Variants in CRYAB observed in about 807,000 individuals in gnomAD.
CRYAB encodes the protein alpha-crystallin B chain.
CRYAB carries 9 observed loss-of-function variants against 12.7 expected under a neutral mutation model. The observed-to-expected ratio is 0.71, with a 90% CI of 0.43 to 1.24. The LOEUF (loss-of-function observed/expected upper bound fraction) is 1.24. Ranked by LOEUF, CRYAB falls within the 50% of genes most tolerant of loss-of-function variation. The pLI, the probability that CRYAB is intolerant of heterozygous loss-of-function variation, is 0.00. For synonymous variants in CRYAB, 93 were observed against 86.8 expected, an observed-to-expected ratio of 1.07 and a Z score of -0.40; for missense variants, 183 against 226.6, an observed-to-expected ratio of 0.81 and a Z score of 1.24.
At chr11:111,921,871 C>T (rs963685784) in intron 1 of CRYAB, among the ~76,000 whole-genome samples, 5 of 150,902 alleles carry the variant, frequency 3.3e-5, no homozygotes. Context: ...TTTGCTTTAT[C>T]TCCCAGTATG....
In CRYAB at chr11:111,908,972, C is replaced by A; in HGVS notation, c.325-5G>T. ...GGAGATGAAACCATGTTCATCCTAACCCAAAAGAATGAGGAAAGAGGCAGA... is the reference window on the plus strand; with the variant it reads ...GGAGATGAAACCATGTTCATCCTAAACCAAAAGAATGAGGAAAGAGGCAGA... On this transcript the variant is annotated splice_polypyrimidine_tract_variant and splice_region_variant and intron_variant, in intron 2 of 2. Transcript: ENST00000650687. 2 of 1,614,008 alleles carry A rather than the reference C, an allele frequency of 1.2e-6. No homozygotes were observed. The highest frequency in any genetic ancestry group is 1.7e-6 in the Non-Finnish European group (2 of 1,179,976).
At chr11:111,913,218 CT>C, upstream of CRYAB, 1 of 605,776 alleles carries the variant, frequency 1.7e-6, no homozygotes, top group Non-Finnish European at 2.9e-6. Flanking sequence ...CCTCCTCCCC[CT>C]CCTCCTCCTT....
upstream of CRYAB, chr11:111,912,725 C>T (rs1049716490): frequency 2.4e-6 from 2 of 832,730 alleles, no homozygotes; most frequent in Non-Finnish European, 3.9e-6. Context: ...GTGTCGACCC[C>T]GCCCCCACCT....
upstream of CRYAB, chr11:111,913,524 A>G: frequency 6.2e-7 from 1 of 1,614,088 alleles, no homozygotes; most frequent in Non-Finnish European, 8.5e-7. Flanking sequence ...TGGGGAGGGC[A>G]GCAGGGCAGG....
intron 1 of CRYAB, among the ~76,000 whole-genome samples, chr11:111,922,471 G>A (rs1555166621): frequency 1.3e-5 from 2 of 152,096 alleles, no homozygotes; most frequent in Non-Finnish European, 2.9e-5. Flanking sequence ...TCTGCAACGA[G>A]CAGAAAATAA....
upstream of CRYAB, among the ~76,000 whole-genome samples, chr11:111,914,416 C>T (rs1382984128): frequency 6.6e-6 from 1 of 152,152 alleles, no homozygotes; most frequent in African/African-American, 2.4e-5. Context: ...CTGTCTGGCC[C>T]TTTTTGGGTA....
chr11:111,909,922 G>A (rs1965399379), intron 2 of CRYAB: 1 of 543,302 alleles, frequency 1.8e-6, no homozygotes, highest in Non-Finnish European at 3.3e-6. Flanking sequence ...CTGATGCCTG[G>A]GTCCCACCCT....
At chr11:111,912,908 C>G, upstream of CRYAB, 4 of 1,606,644 alleles carry the variant, frequency 2.5e-6, no homozygotes, top group Non-Finnish European at 3.4e-6. Context: ...CCTGGGTGAG[C>G]AGCGCTTCGG....
chr11:111,911,436 T>G, intron 1 of CRYAB, 88 bp downstream of exon 1: 1 of 1,395,920 alleles, frequency 7.2e-7, no homozygotes, highest in Non-Finnish European at 9.9e-7. Context: ...CTAAAATGGT[T>G]TAGGCAGGGT....
intron 1 of CRYAB, chr11:111,919,118 C>G: frequency 8.5e-7 from 1 of 1,173,976 alleles, no homozygotes; most frequent in South Asian, 1.4e-5. Flanking sequence ...TGCCACCTTC[C>G]TCTGCCTGGT....
At position 111,910,019 on chromosome 11, in the gene CRYAB, T is replaced by C; in HGVS notation, c.324+308A>G. 4.9e-6 allele frequency: 3 copies of C among 614,324 alleles called. No individual in the cohort carries two copies. The South Asian group carries it at 5.8e-5, about 12-fold the overall frequency. The allele number at this position is 614,324 out of a possible 1,614,324, so 38.1% of individuals were successfully genotyped here. On this transcript the variant is annotated intron_variant, in intron 2 of 2. Transcript: ENST00000650687. ...GTCTGGAGTATGCCCGAGCATTAGG[T>C]TTTTTGAAAGTTCCCCTGGTGATTC... is the stretch of plus-strand genomic sequence containing the variant.
upstream of CRYAB, chr11:111,913,991 A>AAGG: frequency 9.3e-7 from 1 of 1,078,502 alleles, no homozygotes; most frequent in Non-Finnish European, 1.3e-6. Flanking sequence ...TCCTTGGGGG[A>AAGG]AGGGAAAGGT....
upstream of CRYAB, among the ~76,000 whole-genome samples, chr11:111,914,484 C>T (rs1965566857): frequency 6.6e-6 from 1 of 152,156 alleles, no homozygotes; most frequent in South Asian, 2.1e-4. Flanking sequence ...GGAGTGAATA[C>T]TTTGTTTTCA....
intron 1 of CRYAB, among the ~76,000 whole-genome samples, chr11:111,921,967 G>C (rs1555166601): frequency 6.6e-6 from 1 of 152,102 alleles, no homozygotes; most frequent in East Asian, 1.9e-4. Context: ...CTAGTAGCTG[G>C]CATTACAGGT....
chr11:111,916,639 C>T (rs1166872432), upstream of CRYAB, among the ~76,000 whole-genome samples: 9 of 152,270 alleles, frequency 5.9e-5, no homozygotes, highest in South Asian at 1.2e-3. Context: ...ACATCTAGAC[C>T]TAAAATTATT....
chr11:111,909,952 G>A, intron 2 of CRYAB: 1 of 577,452 alleles, frequency 1.7e-6, no homozygotes. Flanking sequence ...TGATTTAATT[G>A]GTCTGGAGTA....
At chr11:111,923,086 G>C (rs1205769752) in intron 1 of CRYAB, among the ~76,000 whole-genome samples, 2 of 152,144 alleles carry the variant, frequency 1.3e-5, no homozygotes, top group African/African-American at 2.4e-5. Context: ...AATATTTTCT[G>C]TATCCATTTA....
At chr11:111,911,439 G>C in intron 1 of CRYAB, 85 bp downstream of exon 1, 1 of 1,418,602 alleles carries the variant, frequency 7.0e-7, no homozygotes, top group South Asian at 1.2e-5. Flanking sequence ...AAATGGTTTA[G>C]GCAGGGTAGG....
At chr11:111,913,947 T>C (rs587717722), upstream of CRYAB, 19 of 1,476,712 alleles carry the variant, frequency 1.3e-5, no homozygotes, top group East Asian at 4.6e-5. Context: ...CAAGGTGATA[T>C]GGGCAGCTGC....
Sources: allele counts gnomAD v4.1 joint callset (sites outside exome capture counted in the v4.1 genomes callset), GRCh38; gene constraint gnomAD v4.1.1; transcripts MANE v1.5; gene names NCBI Gene and HGNC (gene_info 2026-07-23, HGNC 2026-07-21).